C8orf34: variants seen among roughly 807,000 people sequenced by gnomAD.
The protein encoded by C8orf34 is uncharacterized protein C8orf34.
Under a neutral mutation model 68.3 loss-of-function variants are expected in C8orf34, and 65 were observed. The ratio of observed to expected loss-of-function variants is 0.95; its 90% confidence interval spans 0.78 to 1.17. C8orf34 has a LOEUF of 1.17. C8orf34 is among the 50% of genes most tolerant of loss of function. The pLI, the probability that C8orf34 is intolerant of heterozygous loss-of-function variation, is 0.00. For synonymous variants in C8orf34, 244 were observed against 241.2 expected (o/e 1.01, Z -0.11); for missense variants, 664 against 655.4 (o/e 1.01, Z -0.14).
intron 8 of C8orf34, among the ~76,000 whole-genome samples, chr8:68,680,913 C>A (rs1229029547): frequency 6.6e-6 from 1 of 152,036 alleles, no homozygotes; most frequent in Non-Finnish European, 1.5e-5. Context: ...AAGACAGACA[C>A]TCCCAGAGCG....
chr8:68,693,413 G>A (rs1022083828), intron 8 of C8orf34, among the ~76,000 whole-genome samples: 1 of 151,938 alleles, frequency 6.6e-6, no homozygotes, highest in African/African-American at 2.4e-5. Context: ...TATAACTTGG[G>A]GACAATTTCT....
chr8:68,490,822 T>C (rs1340292712), intron 5 of C8orf34, among the ~76,000 whole-genome samples: 3 of 152,144 alleles, frequency 2.0e-5, no homozygotes, highest in Admixed American at 6.6e-5. Context: ...CAGTCACCCT[T>C]GGAGGAGCAG....
intron 10 of C8orf34, among the ~76,000 whole-genome samples, chr8:68,747,712 AC>A (rs1186635445): frequency 6.6e-6 from 1 of 152,082 alleles, no homozygotes; most frequent in Non-Finnish European, 1.5e-5. Flanking sequence ...AGAACTGCAA[AC>A]CACTGCTCAA....
intron 7 of C8orf34, among the ~76,000 whole-genome samples, chr8:68,581,761 A>G (rs1448529057): frequency 2.0e-5 from 3 of 152,096 alleles, no homozygotes; most frequent in African/African-American, 7.2e-5. Flanking sequence ...CACATTCCTG[A>G]AACAGGCTGT....
At chr8:68,698,807 T>G (rs1331808559) in intron 8 of C8orf34, among the ~76,000 whole-genome samples, 1 of 152,042 alleles carries the variant, frequency 6.6e-6, no homozygotes, top group Non-Finnish European at 1.5e-5. Flanking sequence ...ATTTTGAGCC[T>G]CATATTTGGG....
chr8:68,619,423 G>C (rs992326338), intron 7 of C8orf34, among the ~76,000 whole-genome samples: 1 of 152,258 alleles, frequency 6.6e-6, no homozygotes, highest in African/African-American at 2.4e-5. Context: ...ACCTGAGCAC[G>C]GACAGGCAGG....
intron 7 of C8orf34, chr8:68,533,933 A>G (rs549609212): frequency 1.2e-6 from 1 of 857,182 alleles, no homozygotes; most frequent in African/African-American, 1.8e-5. Context: ...ATACTTTATA[A>G]CAATATGCTG....
chr8:68,520,150 T>A (rs1814689516), intron 5 of C8orf34, among the ~76,000 whole-genome samples: 1 of 152,206 alleles, frequency 6.6e-6, no homozygotes, highest in Non-Finnish European at 1.5e-5. Context: ...GAGTTCAGAT[T>A]ACTTGCTAAG....
At chr8:68,652,058 A>G (rs999217202) in intron 8 of C8orf34, among the ~76,000 whole-genome samples, 2 of 152,188 alleles carry the variant, frequency 1.3e-5, no homozygotes, top group African/African-American at 4.8e-5. Context: ...AAATAACCAT[A>G]TTGGAAAATC....
chr8:68,559,670 T>C (rs1816361101), intron 7 of C8orf34, among the ~76,000 whole-genome samples: 1 of 152,188 alleles, frequency 6.6e-6, no homozygotes, highest in Non-Finnish European at 1.5e-5. Context: ...TGTTTATAGA[T>C]GTCGAAAAAC....
intron 7 of C8orf34, among the ~76,000 whole-genome samples, chr8:68,574,611 C>T (rs1176862067): frequency 6.6e-6 from 1 of 151,946 alleles, no homozygotes; most frequent in Non-Finnish European, 1.5e-5. Context: ...TGGAAACCAG[C>T]ATAATAGGAC....
rs866853823 is a variant in C8orf34, at chr8:68,748,805, A to C, written c.1404+27368A>C. On this transcript the variant is annotated intron_variant, in intron 10 of 13. Coordinates refer to ENST00000518698, the MANE Select transcript of C8orf34 (RefSeq NM_052958.4). ...CTGTTGGTGGGACTGTAAACTAGTT[A>C]AACCATTGTGGAAGTCAGTGTGGCA... 3.7e-3 allele frequency among the ~76,000 whole-genome samples: 568 copies of C among 151,796 alleles called. 5 individuals are homozygous for C. Among genetic ancestry groups the C allele is most frequent in the African/African-American group, 0.012 (508 of 41,110 alleles).
At chr8:68,479,349 T>C (rs1812757600) in intron 4 of C8orf34, among the ~76,000 whole-genome samples, 1 of 152,004 alleles carries the variant, frequency 6.6e-6, no homozygotes, top group Admixed American at 6.6e-5. Flanking sequence ...TTCATCATTT[T>C]GGTCTGATTT....
chr8:68,533,051 C>T lies in C8orf34; in HGVS notation c.1007C>T (p.Ala336Val). 1 of 1,611,956 alleles carries T rather than the reference C, an allele frequency of 6.2e-7. No homozygotes were observed. The highest frequency in any genetic ancestry group is 1.1e-5 in the South Asian group (1 of 90,996). The change falls in exon 7 of 14, where the codon GCA (alanine) becomes GTA (valine). Residue 336 changes from alanine (A) to valine (V), a missense_variant. Ala to Val is a moderately conservative substitution (Grantham distance 64). Transcript: ENST00000518698. ...QQQQHKKLLA[A>V]MLSQDSFESI... is the part of the protein sequence containing the mutation. ...CAGCAACATAAGAAACTCCTGGCCG[C>T]AATGCTCTCTCAAGATTCTTTTGAG...
rs377434371 is a variant in C8orf34 at position 68,567,261 on chromosome 8, CT to C, written c.1105+34120del. ...TGCTGTGAATCTATCTGGTGCTGGA[CT>C]TTTTTTTGTTGGTAATTTTTAAATT... On this transcript the variant is annotated intron_variant, in intron 7 of 13. Coordinates refer to ENST00000518698, the MANE Select transcript of C8orf34 (RefSeq NM_052958.4). 5.7e-3 allele frequency among the ~76,000 whole-genome samples: 867 copies of C among 151,870 alleles called. 18 individuals carry two copies. Among genetic ancestry groups the C allele is most frequent in the African/African-American group, 0.02 (835 of 41,438 alleles).
intron 7 of C8orf34, among the ~76,000 whole-genome samples, chr8:68,636,371 C>T (rs563138157): frequency 3.3e-5 from 5 of 150,492 alleles, no homozygotes; most frequent in African/African-American, 9.8e-5. Context: ...GTCAGGAGAT[C>T]GAGAACATCC....
chr8:68,689,692 T>TA lies in C8orf34; in HGVS notation c.1242-19302_1242-19301insA, dbSNP rs1820630419. ...CAAGAGGCATTTGGCAATAAATATATGAAAGAGAGAGAAAATAAGAACAAA... is the reference window on the plus strand; with the variant it reads ...CAAGAGGCATTTGGCAATAAATATATAGAAAGAGAGAGAAAATAAGAACAAA... On this transcript the variant is annotated intron_variant, in intron 8 of 13. Transcript: ENST00000518698. 5.3e-5 allele frequency among the ~76,000 whole-genome samples: 8 copies of TA among 151,998 alleles called. No individual in the cohort carries two copies. In the South Asian group the frequency reaches 1.7e-3, roughly 31 times the overall value.
intron 4 of C8orf34, among the ~76,000 whole-genome samples, chr8:68,484,098 G>A (rs117182078): frequency 6.6e-6 from 1 of 152,230 alleles, no homozygotes; most frequent in South Asian, 2.1e-4. Context: ...GCCTCTGGAG[G>A]CTTACAATCA....
intron 7 of C8orf34, among the ~76,000 whole-genome samples, chr8:68,581,842 C>T (rs1177502091): frequency 1.3e-5 from 2 of 152,096 alleles, no homozygotes; most frequent in Non-Finnish European, 2.9e-5. Context: ...GCCAGTACAT[C>T]TCGTTGGCAG....
Sources: gnomAD v4.1 joint callset for allele counts (sites outside exome capture counted in the v4.1 genomes callset) on GRCh38, gnomAD v4.1.1 for gene constraint, MANE v1.5 for transcripts, NCBI Gene and HGNC (gene_info 2026-07-23, HGNC 2026-07-21) for gene names.